Variants in PHF12 observed in about 807,000 individuals in gnomAD.
PHF12 encodes the protein PHD factor 1.
A neutral mutation model predicts 99.8 loss-of-function variants in PHF12; 6 were observed. The ratio of observed to expected loss-of-function variants is 0.06; its 90% CI spans 0.03 to 0.12. The LOEUF is 0.12. Among genes scored for constraint, PHF12 ranks in the 10% least tolerant of loss-of-function variants. The pLI, the probability that PHF12 is intolerant of heterozygous loss-of-function variation, is 1.00. For missense variants in PHF12, 954 were observed against 1,300.1 expected (o/e 0.73, Z 4.09); for synonymous variants, 480 against 514.9 (o/e 0.93, Z 0.92).
At position 28,923,957 on chromosome 17, in the gene PHF12, T is replaced by C; in HGVS notation, c.667A>G (p.Thr223Ala). Residue 223 changes from threonine (T) to alanine (A), a missense_variant, in exon 4 of 15, where the codon ACC becomes GCC. This residue lies in a region of PHF12 where 85 missense variants were observed against 196.6 expected (regional missense o/e 0.43). Coordinates refer to ENST00000332830, the MANE Select transcript of PHF12 (RefSeq NM_001033561.2). ...AGTTCATTGGGCAACTGAAATTGGGTGGGGTTCCGCTCCATGGCGGCAGCA... is the reference window on the plus strand; with the variant it reads ...AGTTCATTGGGCAACTGAAATTGGGCGGGGTTCCGCTCCATGGCGGCAGCA... ...LIAAAMERNP[T>A]QFQLPNELTC... 1 of 1,613,288 alleles carries C rather than the reference T, an allele frequency of 6.2e-7. No homozygotes were observed. Among genetic ancestry groups the C allele is most frequent in the Non-Finnish European group, 8.5e-7 (1 of 1,179,842 alleles).
At chr17:28,940,176 C>T (rs2040588461) in intron 2 of PHF12, among the ~76,000 whole-genome samples, 1 of 152,234 alleles carries the variant, frequency 6.6e-6, no homozygotes, top group Non-Finnish European at 1.5e-5. Flanking sequence ...CACCTTGTGT[C>T]TGTGTTAACA....
chr17:28,938,470 C>T (rs559444751), intron 2 of PHF12, among the ~76,000 whole-genome samples: 2 of 152,066 alleles, frequency 1.3e-5, no homozygotes, highest in Non-Finnish European at 2.9e-5. Context: ...CCTTGTGATC[C>T]GTCCACCTCA....
chr17:28,927,161 C>T (rs17794574), intron 2 of PHF12, 98 bp from the exon 3 acceptor site: 149,503 of 1,115,478 alleles, frequency 0.13, 11,085 homozygotes, highest in South Asian at 0.24. Flanking sequence ...CCTATTGTGG[C>T]CAGTCCTGCA....
At chr17:28,936,258 G>A (rs962816982) in intron 2 of PHF12, among the ~76,000 whole-genome samples, 5 of 152,114 alleles carry the variant, frequency 3.3e-5, no homozygotes, top group African/African-American at 7.2e-5. Context: ...TTGCTCCACA[G>A]CACCATGTTA....
intron 2 of PHF12, among the ~76,000 whole-genome samples, chr17:28,929,525 G>C (rs140946016): frequency 6.6e-6 from 1 of 152,178 alleles, no homozygotes; most frequent in Non-Finnish European, 1.5e-5. Flanking sequence ...GTGTACAGGC[G>C]TGAGCCACTG....
chr17:28,926,331 G>C (rs752193663), intron 3 of PHF12: 6 of 182,078 alleles, frequency 3.3e-5, no homozygotes, highest in South Asian at 9.2e-5. Context: ...GGGAGCACAG[G>C]GGGGTGGATT....
chr17:28,949,125 C>G lies in PHF12; in HGVS notation c.248+940G>C, dbSNP rs1412016602. On this transcript the variant is annotated intron_variant, in intron 2 of 14. Transcript: ENST00000332830. This position sits in a 1 kb window ranked among gnomAD's most constrained non-coding sequence, Gnocchi z 4.6. The stretch of plus-strand genomic sequence containing the variant: ...AAGGGGGAAAAAGCGTACGGCTTTC[C>G]AGCTCTCAGCTCCTTAAAAATGCCT... Among the ~76,000 whole-genome samples, 1 of 152,180 alleles carries G rather than the reference C, an allele frequency of 6.6e-6. No homozygotes were observed. Among genetic ancestry groups the G allele is most frequent in the Admixed American group, 6.5e-5 (1 of 15,282 alleles).
Position 28,906,507 on chromosome 17 carries a change from C to T in PHF12, c.2691G>A (p.Arg897=), listed in dbSNP as rs201519432. The T allele has an allele frequency of 1.3e-6, 2 of 1,598,090 alleles. No homozygotes were observed. The highest frequency in any genetic ancestry group is 1.3e-5 in the African/African-American group (1 of 74,592). ...TTGGCTCTTCGTCCTGTTTCTGGTG[C>T]CGGCGGCGCCCTGGGAAAAAGGGGG... The part of the protein sequence containing the change: ...AKVQSVIRRR[R]HQKQDEEPSE... Residue 897 remains arginine, a synonymous_variant, in exon 15 of 15, where the codon CGG becomes CGA. Coordinates refer to ENST00000332830, the MANE Select transcript of PHF12 (RefSeq NM_001033561.2). The surrounding 1 kb of genome is among the most constrained non-coding windows in gnomAD (Gnocchi z 4.2).
intron 5 of PHF12, 138 bp downstream of exon 5, chr17:28,921,550 T>C: frequency 9.0e-7 from 1 of 1,106,218 alleles, no homozygotes; most frequent in Non-Finnish European, 1.3e-6. Flanking sequence ...CGTCAGTCCA[T>C]TAGTTAGTCT....
intron 2 of PHF12, among the ~76,000 whole-genome samples, chr17:28,930,460 G>C (rs4795476): frequency 0.14 from 21,484 of 152,204 alleles, 1,610 homozygotes; most frequent in African/African-American, 0.19. Flanking sequence ...TAGGAAGTGA[G>C]TGTAATCCTT....
intron 2 of PHF12, among the ~76,000 whole-genome samples, chr17:28,937,108 G>T (rs898659401): frequency 1.3e-5 from 2 of 152,110 alleles, no homozygotes; most frequent in Non-Finnish European, 2.9e-5. Flanking sequence ...AAAGCTAAGT[G>T]GTGCTGGGTA....
Position 28,950,016 on chromosome 17 carries a change from C to G in PHF12, c.248+49G>C, listed in dbSNP as rs371236911. 1.5e-5 allele frequency: 22 copies of G among 1,502,370 alleles called. No individual in the cohort carries two copies. In the Middle Eastern group the frequency reaches 7.2e-4, roughly 49 times the overall value. The allele number at this position is 1,502,370 out of a possible 1,614,324, so 93.1% of individuals were successfully genotyped here. ...CAGGGGCAGGCCGGGTGAAGGAATG[C>G]GCAGAGAAGGGTCCGCCAAGAAGCT... On this transcript the variant is annotated intron_variant, in intron 2 of 14. Transcript: ENST00000332830. The surrounding 1 kb of genome is among the most constrained non-coding windows in gnomAD (Gnocchi z 5.7).
intron 11 of PHF12, 71 bp from the exon 12 acceptor site, chr17:28,908,952 A>C: frequency 1.5e-5 from 21 of 1,386,898 alleles, no homozygotes; most frequent in African/African-American, 2.9e-5. Flanking sequence ...AACCAACAAA[A>C]TCTGGACCTT....
chr17:28,914,365 C>G (rs1432316298), intron 7 of PHF12, among the ~76,000 whole-genome samples: 1 of 152,000 alleles, frequency 6.6e-6, no homozygotes, highest in African/African-American at 2.4e-5. Flanking sequence ...AGTGGGTGAG[C>G]AGTCACTGAG....
rs371932256 is a variant in PHF12 at position 28,937,937 on chromosome 17, C to T, written c.249-10874G>A. On this transcript the variant is annotated intron_variant, in intron 2 of 14. Coordinates refer to ENST00000332830, the MANE Select transcript of PHF12 (RefSeq NM_001033561.2). Reference sequence around the variant, plus strand: ...AAAAGGGACAAAATTCTGGCCTCAACGGTAATTTTCTCACACTCTTGGGAA... The same window carrying T: ...AAAAGGGACAAAATTCTGGCCTCAATGGTAATTTTCTCACACTCTTGGGAA... Among the ~76,000 whole-genome samples, 70 of 152,204 alleles carry T rather than the reference C, an allele frequency of 4.6e-4. No homozygotes were observed. In the South Asian group the frequency reaches 9.5e-3, roughly 21 times the overall value.
intron 8 of PHF12, 108 bp downstream of exon 8, chr17:28,913,771 G>T (rs774660064): frequency 3.5e-6 from 5 of 1,438,096 alleles, no homozygotes; most frequent in Non-Finnish European, 3.8e-6. Context: ...GTTAGGATGA[G>T]GGTGGGTGGG....
At chr17:28,930,689 G>A (rs1395746822) in intron 2 of PHF12, among the ~76,000 whole-genome samples, 1 of 151,942 alleles carries the variant, frequency 6.6e-6, no homozygotes, top group African/African-American at 2.4e-5. Flanking sequence ...TTAACACAAG[G>A]TAAAATGCTT....
At chr17:28,919,108 C>T in intron 6 of PHF12, 35 bp downstream of exon 6, 1 of 1,596,040 alleles carries the variant, frequency 6.3e-7, no homozygotes, top group Non-Finnish European at 8.6e-7. Flanking sequence ...TCCAGCTATG[C>T]CCATTGAGGA....
intron 7 of PHF12, among the ~76,000 whole-genome samples, chr17:28,916,881 A>G (rs1235032055): frequency 6.6e-6 from 1 of 152,226 alleles, no homozygotes; most frequent in Non-Finnish European, 1.5e-5. Context: ...CTGAGCTGGG[A>G]TTAGCTCTTC....
Sources: allele counts gnomAD v4.1 joint callset (sites outside exome capture counted in the v4.1 genomes callset), GRCh38; gene constraint gnomAD v4.1.1; regional missense constraint gnomAD v4.1.1; non-coding constraint Gnocchi (gnomAD v3.1); transcripts MANE v1.5; gene names NCBI Gene and HGNC (gene_info 2026-07-23, HGNC 2026-07-21).